The following PPM1H variants were observed in gnomAD, a reference collection of about 807,000 sequenced individuals.
PPM1H encodes the protein protein phosphatase 1H.
PPM1H carries 27 observed loss-of-function variants against 54.9 expected under a neutral mutation model. That is an observed-to-expected ratio of 0.49 (90% CI 0.36 to 0.68). The LOEUF is 0.68. Among genes scored for constraint, PPM1H ranks in the 30% least tolerant of loss-of-function variants. The pLI, the probability that PPM1H is intolerant of heterozygous loss-of-function variation, is 0.00. For synonymous variants in PPM1H, 305 were observed against 270.8 expected (o/e 1.13, Z -1.24); for missense variants, 596 against 667.8 (o/e 0.89, Z 1.19).
At chr12:62,798,556 G>C (rs1352596438) in intron 3 of PPM1H, among the ~76,000 whole-genome samples, 1 of 152,052 alleles carries the variant, frequency 6.6e-6, no homozygotes, top group African/African-American at 2.4e-5. Flanking sequence ...ACAATCTGGG[G>C]GGAAAAAGTG....
intron 5 of PPM1H, among the ~76,000 whole-genome samples, chr12:62,732,633 G>C (rs1265315252): frequency 1.3e-5 from 2 of 149,790 alleles, no homozygotes; most frequent in Non-Finnish European, 3.0e-5. Flanking sequence ...GTGCAGTGGT[G>C]CGATCTCAGC....
chr12:62,857,696 A>C (rs1416661947), intron 1 of PPM1H, among the ~76,000 whole-genome samples: 2 of 152,146 alleles, frequency 1.3e-5, no homozygotes, highest in African/African-American at 4.8e-5. Context: ...GCTCAAATTC[A>C]TGTTATCACA....
intron 1 of PPM1H, among the ~76,000 whole-genome samples, chr12:62,880,947 G>A (rs1176037732): frequency 6.6e-6 from 1 of 152,098 alleles, no homozygotes; most frequent in Non-Finnish European, 1.5e-5. Context: ...TCGTGAGCAG[G>A]ATACATGATG....
intron 4 of PPM1H, among the ~76,000 whole-genome samples, chr12:62,756,763 G>A (rs1289999278): frequency 1.3e-5 from 2 of 151,016 alleles, no homozygotes; most frequent in African/African-American, 4.9e-5. Flanking sequence ...CGAAGATGAC[G>A]GCACGTGAAA....
At chr12:62,742,294 G>A (rs980463962) in intron 4 of PPM1H, among the ~76,000 whole-genome samples, 4 of 152,106 alleles carry the variant, frequency 2.6e-5, no homozygotes, top group African/African-American at 9.7e-5. Context: ...CCTTTAAGAG[G>A]CATCCATGGA....
At chr12:62,768,188 G>A (rs2076555469) in intron 4 of PPM1H, among the ~76,000 whole-genome samples, 1 of 152,180 alleles carries the variant, frequency 6.6e-6, no homozygotes, top group South Asian at 2.1e-4. Context: ...TACACCAAAG[G>A]CCGAGGAAGG....
At chr12:62,898,474 AT>A (rs1450792046) in intron 1 of PPM1H, among the ~76,000 whole-genome samples, 6 of 152,212 alleles carry the variant, frequency 3.9e-5, no homozygotes, top group Non-Finnish European at 8.8e-5. Flanking sequence ...TTTAGGTTAA[AT>A]TTACCAAATG....
intron 1 of PPM1H, among the ~76,000 whole-genome samples, chr12:62,900,812 G>T (rs1416669806): frequency 6.6e-6 from 1 of 152,200 alleles, no homozygotes; most frequent in Non-Finnish European, 1.5e-5. Flanking sequence ...TTAAGCCCCG[G>T]TGTCTGGTTT....
At chr12:62,799,572 A>G (rs1278666673) in intron 3 of PPM1H, among the ~76,000 whole-genome samples, 1 of 152,198 alleles carries the variant, frequency 6.6e-6, no homozygotes, top group Non-Finnish European at 1.5e-5. Context: ...CAGAGCCTCT[A>G]CAGAGGCAGA....
chr12:62,791,451 A>G (rs1296571669), intron 3 of PPM1H, among the ~76,000 whole-genome samples: 3 of 152,204 alleles, frequency 2.0e-5, no homozygotes, highest in Non-Finnish European at 4.4e-5. Flanking sequence ...CATTTAAAGA[A>G]CGCATATAAA....
intron 9 of PPM1H, chr12:62,659,269 CAAAAAAA>C (rs11349692): frequency 1.2e-4 from 11 of 91,636 alleles, no homozygotes; most frequent in South Asian, 5.1e-4. Context: ...GTAAAAACTG[CAAAAAAA>C]AAAAAAAAAA....
chr12:62,878,542 T>G (rs146222932), intron 1 of PPM1H, among the ~76,000 whole-genome samples: 100 of 147,614 alleles, frequency 6.8e-4, no homozygotes, highest in Middle Eastern at 3.5e-3. Flanking sequence ...ATCCTACCAG[T>G]CCTAAAAAGG....
At chr12:62,873,929 A>C (rs916869161) in intron 1 of PPM1H, among the ~76,000 whole-genome samples, 1 of 152,218 alleles carries the variant, frequency 6.6e-6, no homozygotes, top group Admixed American at 6.5e-5. Flanking sequence ...GTTACATTTA[A>C]GCTTAGGCAT....
In PPM1H at chr12:62,793,740, C is replaced by CAAAAAAAA. The variant is rs34457644; in HGVS notation, c.757-5410_757-5403dup. 6.0e-4 allele frequency among the ~76,000 whole-genome samples: 37 copies of CAAAAAAAA among 61,222 alleles called. 1 individual carries two copies. The highest frequency in any genetic ancestry group is 1.8e-3 in the African/African-American group (31 of 17,586). 40.2% of individuals were successfully genotyped at this position (61,222 alleles called of 152,430 possible). A position where few individuals can be genotyped will look rare whatever the true frequency, so the allele number is the denominator to read the frequency against. ...GGGCAACAAGAGAGAAACTCCGTTTCAAAAAAAAAAAAAAAAAAAAAAGGC... is the reference window on the plus strand; with the variant it reads ...GGGCAACAAGAGAGAAACTCCGTTTCAAAAAAAAAAAAAAAAAAAAAAAAAAAAAAGGC... On this transcript the variant is annotated intron_variant, in intron 3 of 9. Coordinates refer to ENST00000228705, the MANE Select transcript of PPM1H (RefSeq NM_020700.2).
chr12:62,842,456 A>C (rs955572601), intron 1 of PPM1H, among the ~76,000 whole-genome samples: 3 of 152,268 alleles, frequency 2.0e-5, no homozygotes, highest in Non-Finnish European at 4.4e-5. Context: ...ATAAAATATG[A>C]AACCAAAAGA....
chr12:62,767,069 G>T (rs1481684285), intron 4 of PPM1H, among the ~76,000 whole-genome samples: 1 of 152,200 alleles, frequency 6.6e-6, no homozygotes, highest in Non-Finnish European at 1.5e-5. Context: ...CCTGCCACAT[G>T]CCTCATGGTA....
chr12:62,765,555 A>G (rs2076537384), intron 4 of PPM1H, among the ~76,000 whole-genome samples: 1 of 152,230 alleles, frequency 6.6e-6, no homozygotes, highest in Non-Finnish European at 1.5e-5. Flanking sequence ...GCCTGCTTCT[A>G]GAAGAGTTTT....
chr12:62,788,959 G>T (rs753442495), intron 3 of PPM1H, among the ~76,000 whole-genome samples: 18 of 151,672 alleles, frequency 1.2e-4, no homozygotes, highest in Non-Finnish European at 1.3e-4. Context: ...CTCCTGTGCT[G>T]AAGCAATCTG....
In PPM1H at chr12:62,784,992, T is replaced by A. The variant is rs2076662288; in HGVS notation, c.869+3234A>T. ...ACAAAACCCCAAATTTATATCTGGA[T>A]ACTGGGACTAGAATACTGTAAGCAT... On this transcript the variant is annotated intron_variant, in intron 4 of 9. Transcript: ENST00000228705. Among the ~76,000 whole-genome samples the A allele has an allele frequency of 2.0e-5, 3 of 152,292 alleles. No individual in the cohort carries two copies. The South Asian group carries it at 6.2e-4, about 32-fold the overall frequency.
Sources: allele counts gnomAD v4.1 joint callset (sites outside exome capture counted in the v4.1 genomes callset), GRCh38; gene constraint gnomAD v4.1.1; transcripts MANE v1.5; gene names NCBI Gene and HGNC (gene_info 2026-07-23, HGNC 2026-07-21).